The following CLDN16 variants were observed in gnomAD, a reference collection of about 807,000 sequenced individuals.
CLDN16 encodes claudin-16.
Under a neutral mutation model 24.6 loss-of-function variants are expected in CLDN16, and 13 were observed. That is an observed-to-expected ratio of 0.53 (90% CI 0.34 to 0.84). CLDN16 has a LOEUF of 0.84. Among genes scored for constraint, CLDN16 ranks in the 40% least tolerant of loss-of-function variants. The pLI, the probability that CLDN16 is intolerant of heterozygous loss-of-function variation, is 0.01. For missense variants in CLDN16, 298 were observed against 292.7 expected (o/e 1.02, Z -0.13); for synonymous variants, 116 against 106.7 (o/e 1.09, Z -0.54).
At chr3:190,386,352 C>T (rs1718497392), upstream of CLDN16, among the ~76,000 whole-genome samples, 1 of 152,048 alleles carries the variant, frequency 6.6e-6, no homozygotes, top group African/African-American at 2.4e-5. Context: ...TTATAACGAT[C>T]GCTAATGTGT....
At chr3:190,363,556 GTATATATATATA>G (rs1221514630) in intron 1 of CLDN16, among the ~76,000 whole-genome samples, 3 of 87,430 alleles carry the variant, frequency 3.4e-5, no homozygotes, top group East Asian at 3.3e-4. Context: ...GTGTGTGTGT[GTATATATATATA>G]TATATATATA....
At chr3:190,341,834 A>C (rs1160395711) in intron 1 of CLDN16, among the ~76,000 whole-genome samples, 1 of 152,128 alleles carries the variant, frequency 6.6e-6, no homozygotes, top group African/African-American at 2.4e-5. Context: ...GCTGCTTAAA[A>C]ATTTCTTTCA....
the CLDN16 span, among the ~76,000 whole-genome samples, chr3:190,298,006 G>A: frequency 6.6e-6 from 1 of 151,992 alleles, no homozygotes; most frequent in East Asian, 1.9e-4. Context: ...TTCAGTTGCT[G>A]CTGAATATGA....
chr3:190,375,324 T>C (rs1381205634), intron 3 of CLDN16, among the ~76,000 whole-genome samples: 1 of 152,002 alleles, frequency 6.6e-6, no homozygotes, highest in Non-Finnish European at 1.5e-5. Flanking sequence ...TATTTAATTT[T>C]GCTTCAGCCT....
chr3:190,398,419 T>C (rs562653233), intron 1 of CLDN16, among the ~76,000 whole-genome samples: 1 of 152,340 alleles, frequency 6.6e-6, no homozygotes, highest in East Asian at 1.9e-4. Context: ...ATCCCTCCAA[T>C]GTCTCTGCCT....
At chr3:190,386,131 G>A (rs1212685944), upstream of CLDN16, among the ~76,000 whole-genome samples, 3 of 151,618 alleles carry the variant, frequency 2.0e-5, no homozygotes, top group African/African-American at 7.3e-5. Context: ...TTTGGAATTG[G>A]TTTGCTCTCC....
chr3:190,394,387 A>C (rs976710728), intron 1 of CLDN16, among the ~76,000 whole-genome samples: 2 of 152,278 alleles, frequency 1.3e-5, no homozygotes, highest in South Asian at 2.1e-4. Context: ...TATTACCTCA[A>C]AACAAAGTTG....
At chr3:190,322,424 C>T, upstream of CLDN16, 1 of 590,378 alleles carries the variant, frequency 1.7e-6, no homozygotes, top group East Asian at 2.8e-5. Context: ...GCTGCGGTTG[C>T]TCCCAGGCTC....
intron 1 of CLDN16, among the ~76,000 whole-genome samples, chr3:190,324,255 G>C (rs2108618558): frequency 6.6e-6 from 1 of 152,318 alleles, no homozygotes; most frequent in East Asian, 1.9e-4. Flanking sequence ...GGCTGAGGCA[G>C]GCGGATCACT....
chr3:190,371,101 TAA>T (rs1491416236), intron 2 of CLDN16: 1 of 148,036 alleles, frequency 6.8e-6, no homozygotes, highest in Non-Finnish European at 1.5e-5. Context: ...ATATAGGGTA[TAA>T]TATATATATA....
intron 2 of CLDN16, among the ~76,000 whole-genome samples, chr3:190,404,365 A>C (rs1014927558): frequency 4.6e-5 from 7 of 152,212 alleles, no homozygotes; most frequent in African/African-American, 1.7e-4. Flanking sequence ...GTGATTATTT[A>C]TTCAATATTT....
the CLDN16 span, among the ~76,000 whole-genome samples, chr3:190,292,947 C>A: frequency 6.6e-6 from 1 of 152,180 alleles, no homozygotes; most frequent in South Asian, 2.1e-4. Context: ...CTGTTCCAAC[C>A]TCTGCCTGTT....
the CLDN16 span, among the ~76,000 whole-genome samples, chr3:190,297,955 A>G: frequency 6.6e-6 from 1 of 151,896 alleles, no homozygotes; most frequent in Non-Finnish European, 1.5e-5. Flanking sequence ...GCTGGTTTTG[A>G]TGGACAGCAA....
intron 1 of CLDN16, among the ~76,000 whole-genome samples, chr3:190,399,523 TTTAAACATTTGTAACTG>T (rs1325188657): frequency 4.0e-5 from 6 of 151,446 alleles, no homozygotes; most frequent in Non-Finnish European, 8.8e-5. Flanking sequence ...AAAAATTGTT[TTTAAACATTTGTAACTG>T]TTTAAACAAT....
At chr3:190,397,397 T>C (rs886427941) in intron 1 of CLDN16, among the ~76,000 whole-genome samples, 2 of 152,210 alleles carry the variant, frequency 1.3e-5, no homozygotes, top group African/African-American at 4.8e-5. Flanking sequence ...AGTTATTACT[T>C]AACATTTGCA....
chr3:190,359,080 C>T (rs1334431397), intron 1 of CLDN16, among the ~76,000 whole-genome samples: 2 of 151,952 alleles, frequency 1.3e-5, no homozygotes, highest in Non-Finnish European at 2.9e-5. Context: ...TTTCTTATAA[C>T]ACAGTATGAT....
chr3:190,392,585 A>C (rs1398239310), intron 1 of CLDN16, among the ~76,000 whole-genome samples: 1 of 152,154 alleles, frequency 6.6e-6, no homozygotes, highest in African/African-American at 2.4e-5. Context: ...TGATAATGAA[A>C]ACCCTAAGCG....
In CLDN16 at chr3:190,409,888, A is replaced by G. The variant is rs1414503898; in HGVS notation, c.575-15A>G. On this transcript the variant is annotated splice_polypyrimidine_tract_variant and intron_variant, in intron 4 of 4. Transcript: ENST00000264734. The stretch of plus-strand genomic sequence containing the variant: ...TTCACTGAGTTCTACTTATTTTTAT[A>G]TTTCTTTCAAACAGATGTTGGACCT... The G allele has an allele frequency of 1.2e-6, 2 of 1,612,660 alleles. No individual in the cohort carries two copies. The highest frequency in any genetic ancestry group is 2.7e-5 in the African/African-American group (2 of 74,872).
chr3:190,292,494 A>G, the CLDN16 span, among the ~76,000 whole-genome samples: 4 of 152,212 alleles, frequency 2.6e-5, no homozygotes, highest in Non-Finnish European at 4.4e-5. Context: ...GATCTCTGAC[A>G]TGCCCTGGAG....
Sources: allele counts gnomAD v4.1 joint callset (sites outside exome capture counted in the v4.1 genomes callset), GRCh38; gene constraint gnomAD v4.1.1; transcripts MANE v1.5; gene names NCBI Gene and HGNC (gene_info 2026-07-23, HGNC 2026-07-21).